WDFY3: variants seen among roughly 807,000 people sequenced by gnomAD.
WDFY3 encodes the protein WD repeat and FYVE domain-containing protein 3.
In WDFY3, 66 loss-of-function variants were observed where a neutral mutation model predicts 409.6. That is an observed-to-expected ratio of 0.16 (90% CI 0.13 to 0.20). WDFY3 has a LOEUF of 0.20. Among genes scored for constraint, WDFY3 ranks in the 10% least tolerant of loss-of-function variants. The pLI is 1.00. For synonymous variants in WDFY3, 1,521 were observed against 1,537.1 expected, an observed-to-expected ratio of 0.99 and a Z score of 0.25; for missense variants, 3,031 against 4,298.1, an observed-to-expected ratio of 0.71 and a Z score of 8.24.
chr4:84,803,212 C>T, intron 16 of WDFY3, 78 bp downstream of exon 16: 1 of 1,426,350 alleles, frequency 7.0e-7, no homozygotes, highest in Non-Finnish European at 9.3e-7. Context: ...TCCTCAACCC[C>T]CTAGCTCATA....
chr4:84,952,449 C>T (rs1773724824), intron 1 of WDFY3, among the ~76,000 whole-genome samples: 1 of 152,158 alleles, frequency 6.6e-6, no homozygotes, highest in African/African-American at 2.4e-5. Flanking sequence ...TGACCAGGTA[C>T]AATGTACCAT....
chr4:84,841,282 A>C lies in WDFY3; in HGVS notation c.305-19T>G. 1 of 1,601,738 alleles carries C rather than the reference A, an allele frequency of 6.2e-7. No individual in the cohort carries two copies. The highest frequency in any genetic ancestry group is 8.5e-7 in the Non-Finnish European group (1 of 1,175,764). On this transcript the variant is annotated intron_variant, in intron 5 of 67. Coordinates refer to ENST00000295888, the MANE Select transcript of WDFY3 (RefSeq NM_014991.6). ...GCAGCCTCTATAAAACCAAAGGGAA[A>C]GCCATTAAGTGGGGGAAAAGTCACA... is the stretch of plus-strand genomic sequence containing the variant.
Position 84,768,188 on chromosome 4 carries a change from G to A in WDFY3, c.4850-1816C>T, listed in dbSNP as rs560276253. Among the ~76,000 whole-genome samples, 9 of 152,332 alleles carry A rather than the reference G, an allele frequency of 5.9e-5. No individual in the cohort carries two copies. In the East Asian group the frequency reaches 1.2e-3, roughly 20 times the overall value. ...CATCTCCATAACAAAAGTGAAAGAC[G>A]AAGCAGCAAGTGCTGATGTAGAAGC... On this transcript the variant is annotated intron_variant, in intron 30 of 67. Transcript: ENST00000295888.
chr4:84,738,946 T>C, intron 40 of WDFY3, 64 bp downstream of exon 40: 1 of 1,561,094 alleles, frequency 6.4e-7, no homozygotes, highest in Non-Finnish European at 8.8e-7. Flanking sequence ...ATTTGTTGGT[T>C]ATGTCTTAAA....
rs1725210147 is a variant in WDFY3, at chr4:84,669,895, C to T, written c.*2973G>A. On this transcript the variant is annotated 3_prime_UTR_variant, in exon 68 of 68. Transcript: ENST00000295888. ...ACAAAAAATATACATTGCACTGACA[C>T]AAAAAGTCAGCTGTGTTAAGAGTCA... 1 of 152,420 alleles carries T rather than the reference C, an allele frequency of 6.6e-6. No individual in the cohort carries two copies. The highest frequency in any genetic ancestry group is 2.4e-5 in the African/African-American group (1 of 41,360). 9.4% of individuals were successfully genotyped at this position (152,420 alleles called of 1,614,324 possible). A position where few individuals can be genotyped will look rare whatever the true frequency, so the allele number is the denominator to read the frequency against.
chr4:84,802,421 GGC>G (rs1293987990), intron 16 of WDFY3, among the ~76,000 whole-genome samples: 1 of 151,794 alleles, frequency 6.6e-6, no homozygotes, highest in Non-Finnish European at 1.5e-5. Context: ...CACCATGCCA[GGC>G]TAATTTTTTG....
intron 1 of WDFY3, among the ~76,000 whole-genome samples, chr4:84,957,365 T>C (rs983231134): frequency 1.3e-5 from 2 of 152,104 alleles, no homozygotes; most frequent in African/African-American, 4.8e-5. Context: ...TCATCTATTA[T>C]ACACAATCTA....
intron 36 of WDFY3, among the ~76,000 whole-genome samples, chr4:84,744,653 G>A (rs1032004813): frequency 9.3e-5 from 14 of 151,180 alleles, no homozygotes; most frequent in Admixed American, 2.0e-4. Context: ...GGAGATCGAG[G>A]CCATCCCGGC....
intron 2 of WDFY3, among the ~76,000 whole-genome samples, chr4:84,905,339 T>A (rs1339944466): frequency 6.6e-6 from 1 of 152,046 alleles, no homozygotes; most frequent in East Asian, 1.9e-4. Context: ...CTATCTCAAT[T>A]AAAAATAAAT....
At chr4:84,798,841 A>G (rs1749970878) in intron 17 of WDFY3, among the ~76,000 whole-genome samples, 2 of 152,098 alleles carry the variant, frequency 1.3e-5, no homozygotes, top group African/African-American at 4.8e-5. Context: ...CAGAACTTAA[A>G]TCTACACAGT....
intron 58 of WDFY3, 58 bp from the exon 59 acceptor site, chr4:84,693,090 T>C (rs1017830009): frequency 9.1e-5 from 138 of 1,522,980 alleles, no homozygotes; most frequent in Admixed American, 2.2e-4. Context: ...TAAGCCCTTT[T>C]ATATGCCAGG....
At chr4:84,934,487 T>C (rs1272210004) in intron 1 of WDFY3, among the ~76,000 whole-genome samples, 1 of 152,202 alleles carries the variant, frequency 6.6e-6, no homozygotes, top group African/African-American at 2.4e-5. Flanking sequence ...CTGAGTCACT[T>C]GCCAGATGGC....
Position 84,860,600 on chromosome 4 carries a change from G to A in WDFY3, c.-9C>T, listed in dbSNP as rs745969868. On this transcript the variant is annotated 5_prime_UTR_variant, in exon 4 of 68. Transcript: ENST00000295888. Reference sequence around the variant, plus strand: ...CTCTTCACCATGTTCATCTTGGCTGGTTGGTGAGACGCACTTCTAATTCTG... The same window carrying A: ...CTCTTCACCATGTTCATCTTGGCTGATTGGTGAGACGCACTTCTAATTCTG... 15 of 1,592,974 alleles carry A rather than the reference G, an allele frequency of 9.4e-6. No homozygotes were observed. The Admixed American group carries it at 1.7e-4, about 18-fold the overall frequency.
At chr4:84,963,574 C>T (rs745586627) in intron 1 of WDFY3, among the ~76,000 whole-genome samples, 5 of 152,086 alleles carry the variant, frequency 3.3e-5, no homozygotes, top group Admixed American at 1.3e-4. Context: ...GCATCATTAA[C>T]AGAGGTTAGT....
rs747386193 is a variant in WDFY3 at position 84,810,296 on chromosome 4, T to G, written c.1936A>C (p.Arg646=). The stretch of plus-strand genomic sequence containing the variant: ...ATGTACACAAATCCTCCAACTTTCC[T>G]AAAAACTGTTCTTGAACGATGGCTT... ...RESHRSRTVF[R]KVGGFVYITS... Residue 646 remains arginine, a synonymous_variant, in exon 14 of 68, where the codon AGG becomes CGG. Transcript: ENST00000295888. 2.5e-6 allele frequency: 4 copies of G among 1,610,144 alleles called. No homozygotes were observed. Among genetic ancestry groups the G allele is most frequent in the Non-Finnish European group, 3.4e-6 (4 of 1,178,442 alleles).
intron 5 of WDFY3, among the ~76,000 whole-genome samples, chr4:84,844,095 T>A (rs1377544324): frequency 6.6e-6 from 1 of 152,280 alleles, no homozygotes; most frequent in South Asian, 2.1e-4. Flanking sequence ...ATTAAATAAG[T>A]AAAGAATGCG....
At position 84,847,801 on chromosome 4, in the gene WDFY3, A is replaced by C. The variant is rs566280873; in HGVS notation, c.304+2101T>G. ...AAAAAAAAAAAAACCAAAAAAAAAA[A>C]CAAAAAAAAACAAAAAAAACCCCAG... On this transcript the variant is annotated intron_variant, in intron 5 of 67. Coordinates refer to ENST00000295888, the MANE Select transcript of WDFY3 (RefSeq NM_014991.6). Among the ~76,000 whole-genome samples, 509 of 148,840 alleles carry C rather than the reference A, an allele frequency of 3.4e-3. 2 individuals carry two copies. Among genetic ancestry groups the C allele is most frequent in the African/African-American group, 0.01 (419 of 40,804 alleles).
chr4:84,935,977 T>C (rs186762336), intron 1 of WDFY3, among the ~76,000 whole-genome samples: 430 of 152,282 alleles, frequency 2.8e-3, no homozygotes, highest in African/African-American at 9.8e-3. Context: ...ATTTTACATA[T>C]TTTTACTTCA....
chr4:84,719,044 A>G (rs1734420805), intron 47 of WDFY3, among the ~76,000 whole-genome samples: 1 of 152,214 alleles, frequency 6.6e-6, no homozygotes, highest in Admixed American at 6.5e-5. Context: ...GACTGGGTCA[A>G]GTTTCTTAAT....
Sources: allele counts gnomAD v4.1 joint callset (sites outside exome capture counted in the v4.1 genomes callset), GRCh38; gene constraint gnomAD v4.1.1; transcripts MANE v1.5; gene names NCBI Gene and HGNC (gene_info 2026-07-23, HGNC 2026-07-21).